The following TTC39A variants were observed in gnomAD, a reference collection of about 807,000 sequenced individuals.
TTC39A encodes the protein tetratricopeptide repeat protein 39A.
In TTC39A, 46 loss-of-function variants were observed where a neutral mutation model predicts 82.3. The observed-to-expected ratio is 0.56, with a 90% CI of 0.44 to 0.71. TTC39A has a LOEUF of 0.71. Ranked by LOEUF, TTC39A falls within the 30% of genes least tolerant of loss-of-function variation. The pLI is 0.00. For missense variants in TTC39A, 543 were observed against 712.9 expected (o/e 0.76, Z 2.71); for synonymous variants, 254 against 275.2 (o/e 0.92, Z 0.76).
rs774481350 is a variant in TTC39A at position 51,290,640 on chromosome 1, G to A, written c.1267-15C>T. 5 of 1,605,094 alleles carry A rather than the reference G, an allele frequency of 3.1e-6. No individual in the cohort carries two copies. The highest frequency in any genetic ancestry group is 4.5e-5 in the East Asian group (2 of 44,642). On this transcript the variant is annotated splice_polypyrimidine_tract_variant and intron_variant, in intron 14 of 17. Transcript: ENST00000680483. ...TACATCATTTCCTGAAGGCAGGGGG[G>A]CAAGTCAGTCCTAGGTTTCTTCCCT...
rs533110125 is a variant in TTC39A at position 51,317,316 on chromosome 1, G to A, written c.147-4373C>T. Among the ~76,000 whole-genome samples the A allele has an allele frequency of 2.6e-5, 4 of 152,342 alleles. No individual in the cohort carries two copies. The East Asian group carries it at 5.8e-4, about 22-fold the overall frequency. The stretch of plus-strand genomic sequence containing the variant: ...AGCAAGAATTGTTTTCTCTAGACCC[G>A]TGGTTCTCAATGGAAGTGCCAGGGT... On this transcript the variant is annotated intron_variant, in intron 2 of 17. Coordinates refer to ENST00000680483, the MANE Select transcript of TTC39A (RefSeq NM_001297663.2).
Position 51,288,140 on chromosome 1 carries a change from G to A in TTC39A, c.*17C>T, listed in dbSNP as rs635590. On this transcript the variant is annotated 3_prime_UTR_variant, in exon 18 of 18. Coordinates refer to ENST00000680483, the MANE Select transcript of TTC39A (RefSeq NM_001297663.2). This position sits in a 1 kb window ranked among gnomAD's most constrained non-coding sequence, Gnocchi z 4.8. ...TCCAGCTGTCTCTGTCTTCCAGCCC[G>A]GAACTGCTGCACAAAGCTACAAGGA... The A allele has an allele frequency of 0.15, 234,247 of 1,613,430 alleles. 19,021 individuals carry two copies. Among genetic ancestry groups the A allele is most frequent in the South Asian group, 0.29 (26,116 of 91,054 alleles).
upstream of TTC39A, chr1:51,331,645 G>A: frequency 1.0e-6 from 1 of 985,374 alleles, no homozygotes; most frequent in Non-Finnish European, 1.2e-6. Flanking sequence ...ATCTAAGCAG[G>A]CTGCCTGGAA....
chr1:51,343,668 G>A (rs1395260387), intron 1 of TTC39A, among the ~76,000 whole-genome samples: 1 of 152,244 alleles, frequency 6.6e-6, no homozygotes, highest in Non-Finnish European at 1.5e-5. Flanking sequence ...CATACCTGCA[G>A]TGCCTAGTAC....
chr1:51,344,246 G>C (rs1557753490), intron 1 of TTC39A, among the ~76,000 whole-genome samples: 1 of 152,182 alleles, frequency 6.6e-6, no homozygotes, highest in Non-Finnish European at 1.5e-5. Flanking sequence ...AGGACAGTTG[G>C]ATTGCCCTTT....
intron 6 of TTC39A, among the ~76,000 whole-genome samples, chr1:51,308,240 C>G (rs1358372472): frequency 6.6e-6 from 1 of 151,746 alleles, no homozygotes; most frequent in African/African-American, 2.4e-5. Flanking sequence ...TTGCCGCCAC[C>G]CCCCCTTTTT....
At chr1:51,306,853 A>ACCCCC (rs3068549) in intron 6 of TTC39A, among the ~76,000 whole-genome samples, 238 of 60,082 alleles carry the variant, frequency 4.0e-3, no homozygotes, top group African/African-American at 5.7e-3. Context: ...TAAGGGACAG[A>ACCCCC]CCCCCCCCCC....
chr1:51,304,340 G>A (rs771055334), intron 8 of TTC39A, among the ~76,000 whole-genome samples: 3 of 152,166 alleles, frequency 2.0e-5, no homozygotes, highest in African/African-American at 4.8e-5. Flanking sequence ...AGAGAGGTCC[G>A]TGGGTGTGGC....
chr1:51,326,721 C>A (rs1326571745), intron 1 of TTC39A, among the ~76,000 whole-genome samples: 1 of 152,226 alleles, frequency 6.6e-6, no homozygotes, highest in Non-Finnish European at 1.5e-5. Flanking sequence ...GTGGAAGCAA[C>A]AGCGCCAAAC....
chr1:51,312,261 T>TC, intron 3 of TTC39A, 66 bp from the exon 4 acceptor site: 1 of 1,431,900 alleles, frequency 7.0e-7, no homozygotes, highest in African/African-American at 1.4e-5. Context: ...TCTGCCCCTC[T>TC]CTGCTACACC....
chr1:51,294,277 G>A lies in TTC39A; in HGVS notation c.1266+114C>T. On this transcript the variant is annotated intron_variant, in intron 14 of 17. Transcript: ENST00000680483. This position sits in a 1 kb window ranked among gnomAD's most constrained non-coding sequence, Gnocchi z 4.3. ...AGGTGAATTGTGAAACCCTCCCCAG[G>A]CCCCTGAGGCATGAAGGTCTTTCTC... 1 of 1,516,104 alleles carries A rather than the reference G, an allele frequency of 6.6e-7. No homozygotes were observed. The highest frequency in any genetic ancestry group is 8.9e-7 in the Non-Finnish European group (1 of 1,124,150). 93.9% of individuals were successfully genotyped at this position (1,516,104 alleles called of 1,614,324 possible).
intron 1 of TTC39A, among the ~76,000 whole-genome samples, chr1:51,328,873 C>G (rs746762403): frequency 1.1e-4 from 16 of 152,176 alleles, no homozygotes; most frequent in Non-Finnish European, 2.2e-4. Context: ...TGCTGAGTGT[C>G]TGTTGAGTGA....
At chr1:51,319,743 T>G (rs934814934) in intron 2 of TTC39A, among the ~76,000 whole-genome samples, 28 of 151,016 alleles carry the variant, frequency 1.9e-4, no homozygotes, top group Non-Finnish European at 3.7e-4. Flanking sequence ...TAGGCTAGAG[T>G]GCAATGGAGC....
At chr1:51,301,886 G>C in intron 11 of TTC39A, 153 bp from the exon 12 acceptor site, 1 of 1,059,526 alleles carries the variant, frequency 9.4e-7, no homozygotes, top group Non-Finnish European at 1.3e-6. Context: ...CAGGAGCCAG[G>C]AGATCTGGCC....
chr1:51,293,890 C>T lies in TTC39A; in HGVS notation c.1266+501G>A, dbSNP rs555240701. 2.8e-4 allele frequency among the ~76,000 whole-genome samples: 42 copies of T among 152,306 alleles called. No homozygotes were observed. In the East Asian group the frequency reaches 5.8e-3, roughly 21 times the overall value. ...ATCTGTAAAATGGAGACACCAGCAG[C>T]GCCTACTCAGAGGGTTGATGTGAGT... On this transcript the variant is annotated intron_variant, in intron 14 of 17. Transcript: ENST00000680483.
Position 51,294,820 on chromosome 1 carries a change from C to T in TTC39A, c.1146-309G>A, listed in dbSNP as rs1224644527. Among the ~76,000 whole-genome samples the T allele has an allele frequency of 6.6e-6, 1 of 152,240 alleles. No homozygotes were observed. The highest frequency in any genetic ancestry group is 2.4e-5 in the African/African-American group (1 of 41,466). On this transcript the variant is annotated intron_variant, in intron 13 of 17. Transcript: ENST00000680483. The surrounding 1 kb of genome is among the most constrained non-coding windows in gnomAD (Gnocchi z 4.3). ...GCCTCCTAGTTATCGCCTCCACTCC[C>T]AGGCTCCATTTCTGGGGAGGATCCA... is the stretch of plus-strand genomic sequence containing the variant.
intron 1 of TTC39A, among the ~76,000 whole-genome samples, chr1:51,342,005 G>A (rs1646043635): frequency 6.6e-6 from 1 of 152,156 alleles, no homozygotes. Context: ...CTCCATTCTT[G>A]AGGAGGCCCC....
At chr1:51,309,204 C>T in intron 6 of TTC39A, 57 bp downstream of exon 6, 1 of 1,554,874 alleles carries the variant, frequency 6.4e-7, no homozygotes, top group Non-Finnish European at 8.7e-7. Flanking sequence ...AGGGGGACAG[C>T]CTAGCAGATG....
Position 51,288,960 on chromosome 1 carries a change from A to C in TTC39A, c.1494-5T>G. The C allele has an allele frequency of 6.3e-7, 1 of 1,586,450 alleles. No homozygotes were observed. Among genetic ancestry groups the C allele is most frequent in the Non-Finnish European group, 8.6e-7 (1 of 1,165,414 alleles). On this transcript the variant is annotated splice_polypyrimidine_tract_variant and splice_region_variant and intron_variant, in intron 16 of 17. Transcript: ENST00000680483. This position sits in a 1 kb window ranked among gnomAD's most constrained non-coding sequence, Gnocchi z 4.8. The stretch of plus-strand genomic sequence containing the variant: ...TCATATTTAATCTTCTTTTCACTGC[A>C]GAACAGAGGACATGGCTCAGGTTCC...
Sources: gnomAD v4.1 joint callset for allele counts (sites outside exome capture counted in the v4.1 genomes callset) on GRCh38, gnomAD v4.1.1 for gene constraint, Gnocchi (gnomAD v3.1) non-coding constraint, MANE v1.5 for transcripts, NCBI Gene and HGNC (gene_info 2026-07-23, HGNC 2026-07-21) for gene names.